Variants in DIPK1A observed in about 807,000 individuals in gnomAD.
DIPK1A encodes divergent protein kinase domain 1A.
A neutral mutation model predicts 40.8 loss-of-function variants in DIPK1A; 27 were observed. The observed-to-expected ratio is 0.66, with a 90% CI of 0.49 to 0.91. DIPK1A has a LOEUF of 0.91. Ranked by LOEUF, DIPK1A falls within the 40% of genes least tolerant of loss-of-function variation. DIPK1A has a pLI of 0.00. For missense variants in DIPK1A, 412 were observed against 505.7 expected (o/e 0.81, Z 1.78); for synonymous variants, 166 against 171.3 (o/e 0.97, Z 0.24).
In DIPK1A at chr1:92,843,481, T is replaced by A; in HGVS notation, c.1189A>T (p.Lys397Ter). 1 of 1,551,676 alleles carries A rather than the reference T, an allele frequency of 6.4e-7. No individual in the cohort carries two copies. Among genetic ancestry groups the A allele is most frequent in the Non-Finnish European group, 8.7e-7 (1 of 1,146,938 alleles). Residue 397 changes from lysine (K) to a stop codon, truncating the protein, a stop_gained, in exon 5 of 5, where the codon AAA becomes TAA. Transcript: ENST00000370310. LOFTEE classifies it high-confidence loss of function. Reference protein sequence around the residue: ...EKQLYSCIALKVTANQMEMEH... With the variant: ...EKQLYSCIAL The stretch of plus-strand genomic sequence containing the variant: ...ATTTCCATTTGATTTGCTGTGACTT[T>A]GAGAGCAATACAAGAATAAAGCTGC...
chr1:92,859,310 C>G lies in DIPK1A; in HGVS notation c.190-8355G>C, dbSNP rs574857187. On this transcript the variant is annotated intron_variant, in intron 2 of 4. Coordinates refer to ENST00000370310, the MANE Select transcript of DIPK1A (RefSeq NM_001006605.5). ...CACCCTCTCCCGTTCCCCGTATCAA[C>G]GATACTAAATCTTCACCATTTTCTA... Among the ~76,000 whole-genome samples, 7 of 152,138 alleles carry G rather than the reference C, an allele frequency of 4.6e-5. No homozygotes were observed. In the East Asian group the frequency reaches 5.8e-4, roughly 13 times the overall value.
Position 92,844,196 on chromosome 1 carries a change from C to T in DIPK1A, c.475-1G>A. On this transcript the variant is annotated splice_acceptor_variant, in intron 4 of 4. Coordinates refer to ENST00000370310, the MANE Select transcript of DIPK1A (RefSeq NM_001006605.5). LOFTEE classifies it high-confidence loss of function. Reference sequence around the variant, plus strand: ...GGTTTCCTTGGTCACCCAATTTTGCCTGTCAAGAATTTGGCTAGTTACACA... The same window carrying T: ...GGTTTCCTTGGTCACCCAATTTTGCTTGTCAAGAATTTGGCTAGTTACACA... The T allele has an allele frequency of 6.5e-7, 1 of 1,541,376 alleles. No individual in the cohort carries two copies. Among genetic ancestry groups the T allele is most frequent in the African/African-American group, 1.4e-5 (1 of 72,792 alleles).
chr1:92,912,003 C>CAA lies in DIPK1A; in HGVS notation c.55-35575_55-35574dup, dbSNP rs5776162. ...TGGGTGACAGAGCAGGACTCCATCT[C>CAA]AAAAAAAAAAAAAAAAAAAAAAAAA... On this transcript the variant is annotated intron_variant, in intron 1 of 4. Coordinates refer to ENST00000370310, the MANE Select transcript of DIPK1A (RefSeq NM_001006605.5). Among the ~76,000 whole-genome samples the CAA allele has an allele frequency of 9.6e-4, 42 of 43,688 alleles. 2 individuals are homozygous for CAA. The highest frequency in any genetic ancestry group is 3.4e-3 in the African/African-American group (30 of 8,722). 28.7% of individuals were successfully genotyped at this position (43,688 alleles called of 152,430 possible).
At position 92,877,511 on chromosome 1, in the gene DIPK1A, T is replaced by C. The variant is rs368005326; in HGVS notation, c.55-1081A>G. Among the ~76,000 whole-genome samples, 153 of 152,166 alleles carry C rather than the reference T, an allele frequency of 1.0e-3. 3 individuals carry two copies. The highest frequency in any genetic ancestry group is 3.4e-3 in the African/African-American group (143 of 41,500). On this transcript the variant is annotated intron_variant, in intron 1 of 4. Coordinates refer to ENST00000370310, the MANE Select transcript of DIPK1A (RefSeq NM_001006605.5). ...ACATAAGCACACCTGCAGAAGACAA[T>C]GAGTGCAAAGGAAAAAGAGACTCAG...
chr1:92,855,036 T>C (rs17271666), intron 2 of DIPK1A, among the ~76,000 whole-genome samples: 4,365 of 151,256 alleles, frequency 0.029, 220 homozygotes, highest in African/African-American at 0.1. Flanking sequence ...TGAAGTCCCA[T>C]AGCTCAAACA....
chr1:92,943,330 CTGGAAGCCAAACTGCTTCT>C (rs71773470), intron 1 of DIPK1A, among the ~76,000 whole-genome samples: 4,095 of 152,262 alleles, frequency 0.027, 196 homozygotes, highest in African/African-American at 0.093. Context: ...CTAAAAGGAG[CTGGAAGCCAAACTGCTTCT>C]TGGAATGCTA....
intron 2 of DIPK1A, among the ~76,000 whole-genome samples, chr1:92,865,349 A>C (rs554980029): frequency 3.9e-5 from 6 of 152,196 alleles, no homozygotes; most frequent in African/African-American, 1.4e-4. Flanking sequence ...GGTGGCAGAG[A>C]GGGATCCTGT....
chr1:92,862,298 C>G (rs1378931664), intron 2 of DIPK1A, among the ~76,000 whole-genome samples: 2 of 152,316 alleles, frequency 1.3e-5, no homozygotes, highest in Admixed American at 6.5e-5. Flanking sequence ...CTGAACCCAT[C>G]ACACCCTTCC....
intron 2 of DIPK1A, among the ~76,000 whole-genome samples, chr1:92,857,988 C>T (rs916012810): frequency 6.6e-6 from 1 of 152,188 alleles, no homozygotes; most frequent in African/African-American, 2.4e-5. Context: ...ACAAGCAACT[C>T]ACAACAGGGC....
At chr1:92,912,721 T>C (rs978397228) in intron 1 of DIPK1A, among the ~76,000 whole-genome samples, 9 of 152,178 alleles carry the variant, frequency 5.9e-5, no homozygotes, top group African/African-American at 2.2e-4. Context: ...CCAGATTTAA[T>C]AATCTAAAAT....
chr1:92,842,401 G>A lies in DIPK1A; in HGVS notation c.*982C>T. The A allele has an allele frequency of 3.1e-6, 3 of 981,200 alleles. No homozygotes were observed. The highest frequency in any genetic ancestry group is 3.6e-6 in the Non-Finnish European group (3 of 826,132). The allele number at this position is 981,200 out of a possible 1,614,324, so 60.8% of individuals were successfully genotyped here. A position where few individuals can be genotyped will look rare whatever the true frequency, so the allele number is the denominator to read the frequency against. On this transcript the variant is annotated 3_prime_UTR_variant, in exon 5 of 5. Coordinates refer to ENST00000370310, the MANE Select transcript of DIPK1A (RefSeq NM_001006605.5). ...TTTATGGAGATGTTGAAAGGTACAT[G>A]CCAAATCTGAGTATACGTGTGAAAA...
chr1:92,952,913 A>AT (rs1651690466), intron 1 of DIPK1A, among the ~76,000 whole-genome samples: 2 of 152,168 alleles, frequency 1.3e-5, no homozygotes, highest in South Asian at 4.1e-4. Context: ...CTAAGATCTA[A>AT]TAATAGTCTA....
intron 1 of DIPK1A, among the ~76,000 whole-genome samples, chr1:92,956,120 T>C (rs1454561884): frequency 1.3e-5 from 2 of 152,032 alleles, no homozygotes; most frequent in East Asian, 1.9e-4. Context: ...AAGGGGTATA[T>C]GGGAAATCTC....
rs990714277 is a variant in DIPK1A at position 92,939,271 on chromosome 1, T to A, written c.54+22105A>T. 2.6e-5 allele frequency among the ~76,000 whole-genome samples: 4 copies of A among 152,308 alleles called. No homozygotes were observed. The South Asian group carries it at 8.3e-4, about 32-fold the overall frequency. On this transcript the variant is annotated intron_variant, in intron 1 of 4. Coordinates refer to ENST00000370310, the MANE Select transcript of DIPK1A (RefSeq NM_001006605.5). The stretch of plus-strand genomic sequence containing the variant: ...GCTACATAAGACATTTATAACCAAA[T>A]ACTATCATTTTGTACACTGAATTTC...
chr1:92,870,950 C>T lies in DIPK1A; in HGVS notation c.189+5346G>A, dbSNP rs117177478. ...CTGCAGTGTAGTTCAACTTTTCCCTCTGACTTAACTCTGCTTCCTCACTCT... is the reference window on the plus strand; with the variant it reads ...CTGCAGTGTAGTTCAACTTTTCCCTTTGACTTAACTCTGCTTCCTCACTCT... On this transcript the variant is annotated intron_variant, in intron 2 of 4. Transcript: ENST00000370310. Among the ~76,000 whole-genome samples, 46 of 152,314 alleles carry T rather than the reference C, an allele frequency of 3.0e-4. No individual in the cohort carries two copies. In the East Asian group the frequency reaches 7.9e-3, roughly 26 times the overall value.
Position 92,950,999 on chromosome 1 carries a change from A to G in DIPK1A, c.54+10377T>C, listed in dbSNP as rs1341147044. ...TTCCTGTGGAGGCAGAATTCTATAG[A>G]TATCCACCAACATTTCCACCCTCTG... On this transcript the variant is annotated intron_variant, in intron 1 of 4. Transcript: ENST00000370310. Among the ~76,000 whole-genome samples the G allele has an allele frequency of 4.6e-5, 7 of 152,224 alleles. 1 individual carries two copies. Among genetic ancestry groups the G allele is most frequent in the Admixed American group, 3.9e-4 (6 of 15,280 alleles).
intron 1 of DIPK1A, among the ~76,000 whole-genome samples, chr1:92,955,952 C>T (rs979879771): frequency 6.6e-6 from 1 of 151,596 alleles, no homozygotes; most frequent in Admixed American, 6.6e-5. Flanking sequence ...AGTAGGATCA[C>T]TTGAGTATGG....
At chr1:92,920,080 T>A (rs1650213145) in intron 1 of DIPK1A, among the ~76,000 whole-genome samples, 1 of 152,172 alleles carries the variant, frequency 6.6e-6, no homozygotes, top group South Asian at 2.1e-4. Context: ...ATACTTTCCC[T>A]CAATCAACTC....
intron 1 of DIPK1A, among the ~76,000 whole-genome samples, chr1:92,939,423 G>C (rs1322318299): frequency 6.6e-6 from 1 of 151,990 alleles, no homozygotes; most frequent in Non-Finnish European, 1.5e-5. Flanking sequence ...TTAATCTTCA[G>C]GGATACAAAT....
Sources: gnomAD v4.1 joint callset for allele counts (sites outside exome capture counted in the v4.1 genomes callset) on GRCh38, gnomAD v4.1.1 for gene constraint, MANE v1.5 for transcripts, NCBI Gene and HGNC (gene_info 2026-07-23, HGNC 2026-07-21) for gene names.